Variants in BCL9 observed in about 807,000 individuals in gnomAD.
The protein encoded by BCL9 is BCL9 transcription coactivator, also known as B-cell CLL/lymphoma 9 protein.
A neutral mutation model predicts 88.5 loss-of-function variants in BCL9; 25 were observed. The ratio of observed to expected loss-of-function variants is 0.28; its 90% CI spans 0.21 to 0.39. BCL9 has a LOEUF of 0.39. Ranked by LOEUF, BCL9 falls within the 10% of genes least tolerant of loss-of-function variation. The pLI, the probability that BCL9 is intolerant of heterozygous loss-of-function variation, is 1.00. For synonymous variants in BCL9, 711 were observed against 673.3 expected (o/e 1.06, Z -0.87); for missense variants, 1,817 against 1,877.8 (o/e 0.97, Z 0.60).
chr1:147,560,927 T>A (rs1257393884), intron 1 of BCL9, among the ~76,000 whole-genome samples: 2 of 152,052 alleles, frequency 1.3e-5, no homozygotes, highest in African/African-American at 4.8e-5. Flanking sequence ...ATAAAGAGAG[T>A]CAAGGTCAGT....
Position 147,620,447 on chromosome 1 carries a change from G to A in BCL9, c.2292G>A (p.Met764Ile). ...GSDMLPAQQKMVPLPFGEHPQ... is the reference protein window; with the variant it reads ...GSDMLPAQQKIVPLPFGEHPQ... ...ACATGCTGCCTGCTCAGCAGAAGATGGTGCCACTGCCATTTGGTGAGCACC... is the reference window on the plus strand; with the variant it reads ...ACATGCTGCCTGCTCAGCAGAAGATAGTGCCACTGCCATTTGGTGAGCACC... The change falls in exon 8 of 10, where the codon ATG (methionine) becomes ATA (isoleucine). Residue 764 changes from methionine (M) to isoleucine (I), a missense_variant. Coordinates refer to ENST00000234739, the MANE Select transcript of BCL9 (RefSeq NM_004326.4). 6.2e-7 allele frequency: 1 copy of A among 1,614,028 alleles called. No homozygotes were observed. The highest frequency in any genetic ancestry group is 1.1e-5 in the South Asian group (1 of 91,058).
In BCL9 at chr1:147,625,566, A is replaced by G. The variant is rs1658901746; in HGVS notation, c.*607A>G. ...TATTAATGAAAAGCACAAAAAAAGG[A>G]ACTAAGTTCAGCGAGGGGTGGGGGG... On this transcript the variant is annotated 3_prime_UTR_variant, in exon 10 of 10. Transcript: ENST00000234739. The G allele has an allele frequency of 8.7e-6, 1 of 114,692 alleles. No homozygotes were observed. 7.1% of individuals were successfully genotyped at this position (114,692 alleles called of 1,614,324 possible).
chr1:147,616,178 G>C (rs1407967691), intron 7 of BCL9, among the ~76,000 whole-genome samples: 2 of 152,134 alleles, frequency 1.3e-5, no homozygotes, highest in Non-Finnish European at 2.9e-5. Flanking sequence ...TCATGTAATC[G>C]TCTCTGGGAA....
intron 3 of BCL9, among the ~76,000 whole-genome samples, chr1:147,608,819 C>T (rs1340039140): frequency 6.6e-6 from 1 of 152,150 alleles, no homozygotes; most frequent in African/African-American, 2.4e-5. Context: ...CCTTGCCCAC[C>T]AAGGCTCTAC....
Position 147,623,995 on chromosome 1 carries a change from G to T in BCL9, c.3317G>T (p.Gly1106Val), listed in dbSNP as rs782213652. 2.5e-6 allele frequency: 4 copies of T among 1,614,162 alleles called. No individual in the cohort carries two copies. Among genetic ancestry groups the T allele is most frequent in the Non-Finnish European group, 3.4e-6 (4 of 1,180,028 alleles). Residue 1106 changes from glycine to valine, a missense_variant, in exon 10 of 10, where the codon GGG becomes GTG. Physicochemically the swap from Gly to Val is moderately radical, Grantham distance 109. Coordinates refer to ENST00000234739, the MANE Select transcript of BCL9 (RefSeq NM_004326.4). Reference sequence around the variant, plus strand: ...GTGGGACCCAACATACCTCCTCATGGGGTCCCAATGGGGCCTGGCTTGATG... The same window carrying T: ...GTGGGACCCAACATACCTCCTCATGTGGTCCCAATGGGGCCTGGCTTGATG... ...NAVGPNIPPH[G>V]VPMGPGLMSH...
chr1:147,616,534 G>A (rs1428152328), intron 7 of BCL9, among the ~76,000 whole-genome samples: 1 of 152,134 alleles, frequency 6.6e-6, no homozygotes, highest in Non-Finnish European at 1.5e-5. Flanking sequence ...TTGGGAGGCC[G>A]AGGCAGGCGG....
At chr1:147,579,858 T>A (rs1656284579) in intron 1 of BCL9, among the ~76,000 whole-genome samples, 1 of 152,206 alleles carries the variant, frequency 6.6e-6, no homozygotes, top group Non-Finnish European at 1.5e-5. Flanking sequence ...CAGCAAGCAG[T>A]CTACCCACCT....
intron 1 of BCL9, among the ~76,000 whole-genome samples, chr1:147,566,634 T>C (rs1299263883): frequency 6.6e-6 from 1 of 151,784 alleles, no homozygotes; most frequent in Non-Finnish European, 1.5e-5. Context: ...CGGGCGCCTG[T>C]AGTCCCAGCT....
intron 1 of BCL9, among the ~76,000 whole-genome samples, chr1:147,568,682 A>G (rs940160364): frequency 6.6e-6 from 1 of 152,100 alleles, no homozygotes; most frequent in Non-Finnish European, 1.5e-5. Flanking sequence ...CTCCCTCCCT[A>G]CAGATCTTTC....
chr1:147,560,002 T>C (rs1553195887), intron 1 of BCL9, among the ~76,000 whole-genome samples: 1 of 152,188 alleles, frequency 6.6e-6, no homozygotes, highest in Non-Finnish European at 1.5e-5. Flanking sequence ...TTTCACTCTC[T>C]TCCTCTAGGA....
intron 1 of BCL9, among the ~76,000 whole-genome samples, chr1:147,589,257 G>A (rs139819040): frequency 1.1e-4 from 16 of 152,102 alleles, no homozygotes; most frequent in Non-Finnish European, 2.2e-4. Context: ...TCTCCGTTTT[G>A]GTGTTCAGTC....
chr1:147,584,840 G>A (rs1393211903), intron 1 of BCL9, among the ~76,000 whole-genome samples: 1 of 152,204 alleles, frequency 6.6e-6, no homozygotes, highest in East Asian at 1.9e-4. Flanking sequence ...GGCCAGGGCC[G>A]GCCCTTGCAC....
rs1406542544 is a variant in BCL9 at position 147,620,881 on chromosome 1, C to A, written c.2726C>A (p.Pro909His). The A allele has an allele frequency of 1.2e-6, 2 of 1,614,078 alleles. No individual in the cohort carries two copies. The highest frequency in any genetic ancestry group is 2.7e-5 in the African/African-American group (2 of 74,918). Reference protein sequence around the residue: ...PAAAASIKSPPVLGSAAASPV... With the variant: ...PAAAASIKSPHVLGSAAASPV... ...GCTGCTGCTTCCATTAAGTCCCCCCCTGTTTTGGGGTCTGCTGCTGCTTCA... is the reference window on the plus strand; with the variant it reads ...GCTGCTGCTTCCATTAAGTCCCCCCATGTTTTGGGGTCTGCTGCTGCTTCA... Residue 909 changes from proline to histidine, a missense_variant, in exon 8 of 10, where the codon CCT becomes CAT. Coordinates refer to ENST00000234739, the MANE Select transcript of BCL9 (RefSeq NM_004326.4).
intron 1 of BCL9, among the ~76,000 whole-genome samples, chr1:147,545,337 C>T (rs587769604): frequency 8.6e-5 from 13 of 151,996 alleles, no homozygotes; most frequent in South Asian, 4.2e-4. Context: ...CTCTCCCCCA[C>T]CCCAAGTGTG....
intron 8 of BCL9, among the ~76,000 whole-genome samples, chr1:147,621,587 A>G (rs1235442183): frequency 6.6e-6 from 1 of 152,128 alleles, no homozygotes; most frequent in Non-Finnish European, 1.5e-5. Flanking sequence ...TTCCTGGGAG[A>G]GATTCTTGCT....
At chr1:147,543,510 G>T (rs1201089186) in intron 1 of BCL9, among the ~76,000 whole-genome samples, 1 of 152,168 alleles carries the variant, frequency 6.6e-6, no homozygotes, top group South Asian at 2.1e-4. Context: ...CTGGCAAGAA[G>T]GTCCCCCTAC....
intron 3 of BCL9, among the ~76,000 whole-genome samples, chr1:147,608,586 T>C (rs1414216241): frequency 6.6e-6 from 1 of 152,152 alleles, no homozygotes; most frequent in Non-Finnish European, 1.5e-5. Flanking sequence ...GTTAAGAACT[T>C]TCTGCCTGGC....
At chr1:147,606,216 T>G (rs1387882366) in intron 2 of BCL9, among the ~76,000 whole-genome samples, 1 of 152,230 alleles carries the variant, frequency 6.6e-6, no homozygotes, top group Non-Finnish European at 1.5e-5. Context: ...AGTACCGCAC[T>G]TTGCACACAG....
In BCL9 at chr1:147,619,093, C is replaced by T. The variant is rs781951425; in HGVS notation, c.938C>T (p.Ala313Val). ...TGPNSTPNNR[A>V]VTPVSQGSNS... ...CCCAACTCAACTCCCAACAATAGGG[C>T]AGTGACCCCTGTCTCCCAGGGGAGC... Residue 313 changes from alanine to valine, a missense_variant, in exon 8 of 10, where the codon GCA becomes GTA. Coordinates refer to ENST00000234739, the MANE Select transcript of BCL9 (RefSeq NM_004326.4). This position sits in a 1 kb window ranked among gnomAD's most constrained non-coding sequence, Gnocchi z 4.1. 1.2e-6 allele frequency: 2 copies of T among 1,613,736 alleles called. No homozygotes were observed. Among genetic ancestry groups the T allele is most frequent in the Non-Finnish European group, 1.7e-6 (2 of 1,179,838 alleles).
Sources: allele counts gnomAD v4.1 joint callset (sites outside exome capture counted in the v4.1 genomes callset), GRCh38; gene constraint gnomAD v4.1.1; non-coding constraint Gnocchi (gnomAD v3.1); transcripts MANE v1.5; gene names NCBI Gene and HGNC (gene_info 2026-07-23, HGNC 2026-07-21).